LCLAT1: variants seen among roughly 807,000 people sequenced by gnomAD.
LCLAT1 encodes 1-AGP acyltransferase 8.
Under a neutral mutation model 30.7 loss-of-function variants are expected in LCLAT1, and 11 were observed. The observed-to-expected ratio is 0.36, with a 90% confidence interval of 0.23 to 0.59. The LOEUF is 0.59. Among genes scored for constraint, LCLAT1 ranks in the 20% least tolerant of loss-of-function variants. The pLI, the probability that LCLAT1 is intolerant of heterozygous loss-of-function variation, is 0.77. For synonymous variants in LCLAT1, 155 were observed against 151.3 expected, an observed-to-expected ratio of 1.02 and a Z score of -0.18; for missense variants, 402 against 458.6, an observed-to-expected ratio of 0.88 and a Z score of 1.13.
rs1558501554 is a variant in LCLAT1, at chr2:30,533,019, A to G, written c.166-97A>G. The G allele has an allele frequency of 1.0e-5, 9 of 868,500 alleles. No homozygotes were observed. The East Asian group carries it at 2.2e-4, about 21-fold the overall frequency. 53.8% of individuals were successfully genotyped at this position (868,500 alleles called of 1,614,324 possible). On this transcript the variant is annotated intron_variant, in intron 2 of 5. Transcript: ENST00000379509. ...GATCATGGGAAATACTAACTTTTAC[A>G]TGTTAGAAATCATAAGATTTATTTA...
chr2:30,637,682 A>G (rs1003860435), intron 5 of LCLAT1, among the ~76,000 whole-genome samples: 3 of 152,120 alleles, frequency 2.0e-5, no homozygotes, highest in Non-Finnish European at 2.9e-5. Context: ...GGTTCAAGCA[A>G]TTCTCCTGCC....
chr2:30,505,091 C>G (rs539135418), intron 1 of LCLAT1, among the ~76,000 whole-genome samples: 35 of 152,242 alleles, frequency 2.3e-4, no homozygotes, highest in South Asian at 6.2e-4. Flanking sequence ...AGCTCTCTCC[C>G]CATCAGTGGA....
intron 1 of LCLAT1, among the ~76,000 whole-genome samples, chr2:30,472,876 G>T (rs1280169120): frequency 6.6e-6 from 1 of 152,070 alleles, no homozygotes. Flanking sequence ...GCCATGTCTA[G>T]CTAATGCATT....
chr2:30,585,200 CT>C (rs1230634018), intron 5 of LCLAT1, among the ~76,000 whole-genome samples: 1 of 152,068 alleles, frequency 6.6e-6, no homozygotes, highest in Non-Finnish European at 1.5e-5. Flanking sequence ...CTCTCAAGCG[CT>C]GTTCATTTTC....
chr2:30,580,744 C>A (rs916214585), intron 5 of LCLAT1, among the ~76,000 whole-genome samples: 2 of 152,096 alleles, frequency 1.3e-5, no homozygotes, highest in African/African-American at 4.8e-5. Context: ...AAGAGGGACT[C>A]CTCATTTTGT....
At chr2:30,484,324 G>A (rs1683463996) in intron 1 of LCLAT1, among the ~76,000 whole-genome samples, 1 of 152,118 alleles carries the variant, frequency 6.6e-6, no homozygotes, top group Admixed American at 6.5e-5. Flanking sequence ...TATAAGTATT[G>A]ACAGCATTAT....
Position 30,568,091 on chromosome 2 carries a change from T to C in LCLAT1, c.543T>C (p.Ala181=), listed in dbSNP as rs1665581521. 3 of 1,601,756 alleles carry C rather than the reference T, an allele frequency of 1.9e-6. No individual in the cohort carries two copies. The highest frequency in any genetic ancestry group is 2.6e-6 in the Non-Finnish European group (3 of 1,171,912). The change falls in exon 5 of 6, where the codon GCT becomes GCC. Residue 181 remains alanine, a synonymous_variant. Transcript: ENST00000379509. ...ENSKSRSNAF[A]EKNGLQKYEY... Reference sequence around the variant, plus strand: ...GCAAGTCTCGAAGTAATGCATTTGCTGAAAAAAATGGACTTCAGAAATATG... The same window carrying C: ...GCAAGTCTCGAAGTAATGCATTTGCCGAAAAAAATGGACTTCAGAAATATG...
At chr2:30,492,571 A>AG (rs1683887401) in intron 1 of LCLAT1, among the ~76,000 whole-genome samples, 1 of 149,118 alleles carries the variant, frequency 6.7e-6, no homozygotes. Flanking sequence ...GAGTTGGGGC[A>AG]GAAAAAAAAA....
At chr2:30,604,388 A>T (rs766986503) in intron 5 of LCLAT1, among the ~76,000 whole-genome samples, 6 of 152,140 alleles carry the variant, frequency 3.9e-5, no homozygotes, top group Non-Finnish European at 8.8e-5. Flanking sequence ...TTTTCTGTAG[A>T]GGGCCAGGTA....
chr2:30,479,213 G>A (rs1309133633), intron 1 of LCLAT1, among the ~76,000 whole-genome samples: 1 of 151,876 alleles, frequency 6.6e-6, no homozygotes, highest in Admixed American at 6.6e-5. Context: ...GTATATACTT[G>A]TTTTTTGTTT....
chr2:30,523,500 C>T (rs1354933223), intron 1 of LCLAT1, among the ~76,000 whole-genome samples: 1 of 152,120 alleles, frequency 6.6e-6, no homozygotes, highest in African/African-American at 2.4e-5. Context: ...TAGCAAAAAG[C>T]CAGCTCTTAG....
intron 1 of LCLAT1, among the ~76,000 whole-genome samples, chr2:30,514,941 C>T (rs147808787): frequency 5.3e-5 from 8 of 152,290 alleles, no homozygotes; most frequent in Non-Finnish European, 7.3e-5. Flanking sequence ...GATATTTTTC[C>T]TCCACCCCTA....
chr2:30,604,403 A>G (rs1391283269), intron 5 of LCLAT1, among the ~76,000 whole-genome samples: 1 of 152,136 alleles, frequency 6.6e-6, no homozygotes, highest in Non-Finnish European at 1.5e-5. Flanking sequence ...CAGGTAGTAA[A>G]TATTTTAGGC....
chr2:30,548,550 C>T (rs925595736), intron 3 of LCLAT1, among the ~76,000 whole-genome samples: 2 of 152,004 alleles, frequency 1.3e-5, no homozygotes, highest in African/African-American at 4.8e-5. Flanking sequence ...TTGCGGAGAC[C>T]AGGTTTTTTT....
chr2:30,507,421 C>T (rs541326859), intron 1 of LCLAT1, among the ~76,000 whole-genome samples: 1 of 152,224 alleles, frequency 6.6e-6, no homozygotes, highest in African/African-American at 2.4e-5. Flanking sequence ...TATTTTGTCA[C>T]CCAGGTATTA....
At position 30,514,118 on chromosome 2, in the gene LCLAT1, G is replaced by A. The variant is rs535899686; in HGVS notation, c.-4-11469G>A. Among the ~76,000 whole-genome samples, 461 of 152,226 alleles carry A rather than the reference G, an allele frequency of 3.0e-3. 2 individuals are homozygous for A. Among genetic ancestry groups the A allele is most frequent in the African/African-American group, 0.011 (448 of 41,520 alleles). Reference sequence around the variant, plus strand: ...GCTCTCTCAATATAAACAGTGTCAGGGACTCGTTAATGGAACTAAATCTTT... The same window carrying A: ...GCTCTCTCAATATAAACAGTGTCAGAGACTCGTTAATGGAACTAAATCTTT... On this transcript the variant is annotated intron_variant, in intron 1 of 5. Coordinates refer to ENST00000379509, the MANE Select transcript of LCLAT1 (RefSeq NM_001002257.3).
intron 2 of LCLAT1, 69 bp from the exon 3 acceptor site, chr2:30,533,047 G>C (rs929865233): frequency 5.8e-6 from 6 of 1,029,950 alleles, no homozygotes; most frequent in Non-Finnish European, 7.7e-6. Context: ...TTTATTTATA[G>C]GGCATGATAA....
At chr2:30,520,673 T>G (rs374008131) in intron 1 of LCLAT1, among the ~76,000 whole-genome samples, 2 of 152,316 alleles carry the variant, frequency 1.3e-5, no homozygotes, top group South Asian at 4.1e-4. Flanking sequence ...CTGAAATATT[T>G]TAAAAGCTAT....
At chr2:30,525,794 G>C (rs1302332699) in intron 2 of LCLAT1, 39 bp downstream of exon 2, 1 of 1,592,492 alleles carries the variant, frequency 6.3e-7, no homozygotes, top group Non-Finnish European at 8.6e-7. Flanking sequence ...GCTTGTACTA[G>C]AGTGCTCCCC....
Sources: gnomAD v4.1 joint callset for allele counts (sites outside exome capture counted in the v4.1 genomes callset) on GRCh38, gnomAD v4.1.1 for gene constraint, MANE v1.5 for transcripts, NCBI Gene and HGNC (gene_info 2026-07-23, HGNC 2026-07-21) for gene names.